USP9X: variants seen among roughly 807,000 people sequenced by gnomAD.
USP9X encodes ubiquitin carboxyl-terminal hydrolase 9X.
Under a neutral mutation model 190.3 loss-of-function variants are expected in USP9X, and 7 were observed. The observed-to-expected ratio is 0.04, with a 90% CI of 0.02 to 0.07. The LOEUF is 0.07. Among genes scored for constraint, USP9X ranks in the 10% least tolerant of loss-of-function variants. USP9X has a pLI of 1.00. For missense variants in USP9X, 1,010 were observed against 1,916.9 expected, an observed-to-expected ratio of 0.53 and a Z score of 8.83; for synonymous variants, 645 against 659.5, an observed-to-expected ratio of 0.98 and a Z score of 0.34.
At chrX:41,087,593 A>AC (rs1214840625) in intron 1 of USP9X, among the ~76,000 whole-genome samples, 1 of 112,562 alleles carries the variant, frequency 8.9e-6, no homozygotes, top group Non-Finnish European at 1.9e-5. Flanking sequence ...TCTAACTTTA[A>AC]CCCTTTAAAC....
intron 2 of USP9X, among the ~76,000 whole-genome samples, chrX:41,126,531 A>T (rs1023460091): frequency 6.3e-5 from 7 of 111,917 alleles, no homozygotes; most frequent in Admixed American, 5.7e-4. Flanking sequence ...CAAACCTTTA[A>T]TTTAACCTTA....
At chrX:41,120,309 A>G (rs2062180261) in intron 1 of USP9X, among the ~76,000 whole-genome samples, 1 of 112,103 alleles carries the variant, frequency 8.9e-6, no homozygotes, top group African/African-American at 3.2e-5. Context: ...GGATGATACT[A>G]GTTCCTACTG....
chrX:41,214,559 C>G lies in USP9X; in HGVS notation c.5190-9C>G. On this transcript the variant is annotated splice_polypyrimidine_tract_variant and intron_variant, in intron 33 of 44. Transcript: ENST00000378308. ...TAAGGGATAAATCCTTTTTTTAAATCGTTTTTAGGTACGAATGTGAAGAAT... is the reference window on the plus strand; with the variant it reads ...TAAGGGATAAATCCTTTTTTTAAATGGTTTTTAGGTACGAATGTGAAGAAT... 8.8e-7 allele frequency: 1 copy of G among 1,141,374 alleles called. No individual in the cohort carries two copies. Among genetic ancestry groups the G allele is most frequent in the East Asian group, 3.2e-5 (1 of 30,968 alleles). 94.1% of individuals were successfully genotyped at this position (1,141,374 alleles called of 1,213,427 possible).
chrX:41,172,027 C>G (rs1164584722), intron 21 of USP9X, 69 bp downstream of exon 21: 1 of 1,149,257 alleles, frequency 8.7e-7, no homozygotes, highest in African/African-American at 1.8e-5. Context: ...AATTCTGTTT[C>G]TAAATGGACC....
intron 25 of USP9X, among the ~76,000 whole-genome samples, 172 bp from the exon 26 acceptor site, chrX:41,189,137 T>C (rs2062908780): frequency 8.9e-6 from 1 of 112,613 alleles, no homozygotes; most frequent in Admixed American, 9.4e-5. Flanking sequence ...TTTTCTATTA[T>C]AGTCATTTCC....
intron 26 of USP9X, among the ~76,000 whole-genome samples, chrX:41,190,148 TTCA>T (rs1318030670): frequency 8.9e-6 from 1 of 112,458 alleles, no homozygotes; most frequent in Non-Finnish European, 1.9e-5. Flanking sequence ...AATGTTTACT[TTCA>T]TCATTCCATC....
intron 3 of USP9X, among the ~76,000 whole-genome samples, chrX:41,130,190 A>G (rs916790948): frequency 2.7e-5 from 3 of 111,619 alleles, no homozygotes; most frequent in African/African-American, 9.8e-5. Flanking sequence ...TATTTTTCCT[A>G]TTAATAAATT....
At chrX:41,101,423 CAAAA>C (rs1223031371) in intron 1 of USP9X, among the ~76,000 whole-genome samples, 4 of 93,648 alleles carry the variant, frequency 4.3e-5, no homozygotes, top group Non-Finnish European at 8.7e-5. Flanking sequence ...ACCAAAAATA[CAAAA>C]AAAAAAAAAA....
intron 21 of USP9X, 95 bp from the exon 22 acceptor site, chrX:41,183,903 G>A: frequency 2.0e-6 from 2 of 1,017,581 alleles, no homozygotes; most frequent in Non-Finnish European, 2.5e-6. Flanking sequence ...TGAGTGGATT[G>A]TTATTCCATA....
chrX:41,144,954 A>G (rs1052185504), intron 11 of USP9X, among the ~76,000 whole-genome samples: 2 of 111,547 alleles, frequency 1.8e-5, no homozygotes, highest in African/African-American at 3.3e-5. Flanking sequence ...GAGAATACCA[A>G]TATCTTGGTA....
At chrX:41,105,463 T>TTGTA (rs902352698) in intron 1 of USP9X, among the ~76,000 whole-genome samples, 4 of 112,316 alleles carry the variant, frequency 3.6e-5, no homozygotes, top group African/African-American at 1.3e-4. Context: ...TTCATCCATA[T>TTGTA]TGTAGCATGT....
At chrX:41,096,431 T>C (rs1601929259) in intron 1 of USP9X, among the ~76,000 whole-genome samples, 1 of 111,825 alleles carries the variant, frequency 8.9e-6, no homozygotes, top group East Asian at 2.8e-4. Context: ...ACAAGATCTG[T>C]GTTTTATTTT....
intron 14 of USP9X, among the ~76,000 whole-genome samples, chrX:41,156,997 G>C (rs2062584759): frequency 8.9e-6 from 1 of 111,864 alleles, no homozygotes; most frequent in Non-Finnish European, 1.9e-5. Context: ...GGTCAGGAAT[G>C]CTACGTGTAT....
rs776344646 is a variant in USP9X, at chrX:41,184,008, G to A, written c.3159G>A (p.Thr1053=). The change falls in exon 22 of 45, where the codon ACG becomes ACA. Residue 1053 remains threonine (T), a synonymous_variant. Coordinates refer to ENST00000378308, the MANE Select transcript of USP9X (RefSeq NM_001039591.3). ...CTTTTTTTCCTCCAGATAGCACAAC[G>A]ATAGAAAAATTAAGAGCTATTTGTT... ...LMKLMPPDST[T]IEKLRAICLD... 4.2e-6 allele frequency: 5 copies of A among 1,201,236 alleles called. No individual in the cohort carries two copies. The highest frequency in any genetic ancestry group is 3.5e-5 in the African/African-American group (2 of 57,186).
intron 33 of USP9X, among the ~76,000 whole-genome samples, chrX:41,212,271 G>C (rs1172836535): frequency 9.3e-6 from 1 of 107,208 alleles, no homozygotes; most frequent in Admixed American, 9.8e-5. Flanking sequence ...CAGCATGCTC[G>C]TTAAGAGTCA....
At chrX:41,156,250 GT>G (rs1172805410) in intron 14 of USP9X, among the ~76,000 whole-genome samples, 2 of 112,096 alleles carry the variant, frequency 1.8e-5, no homozygotes, top group South Asian at 7.4e-4. Context: ...GCCACAGCTT[GT>G]TCTGTTCTCC....
chrX:41,207,517 C>CA (rs2063113965), intron 32 of USP9X, among the ~76,000 whole-genome samples: 1 of 112,034 alleles, frequency 8.9e-6, no homozygotes, highest in African/African-American at 3.2e-5. Context: ...TTAGAAAACT[C>CA]AGATTACATT....
rs761225953 is a variant in USP9X, at chrX:41,219,050, A to T, written c.6436-52A>T. 2.9e-4 allele frequency: 332 copies of T among 1,151,708 alleles called. 2 individuals carry two copies. The Middle Eastern group carries it at 0.023, about 80-fold the overall frequency. The allele number at this position is 1,151,708 out of a possible 1,213,427, so 94.9% of individuals were successfully genotyped here. The stretch of plus-strand genomic sequence containing the variant: ...TGCATGTCCTTTTTATGCAAGTAGA[A>T]GTATACATATACCTTGTTGCTGTAA... On this transcript the variant is annotated intron_variant, in intron 37 of 44. Coordinates refer to ENST00000378308, the MANE Select transcript of USP9X (RefSeq NM_001039591.3).
chrX:41,146,686 G>GTTTTTTT (rs2062467396), intron 11 of USP9X, among the ~76,000 whole-genome samples: 1 of 10,273 alleles, frequency 9.7e-5, no homozygotes, highest in Non-Finnish European at 1.6e-4. Flanking sequence ...TTTTTTTTTG[G>GTTTTTTT]GTGAATGCCT....
Sources: allele counts gnomAD v4.1 joint callset (sites outside exome capture counted in the v4.1 genomes callset), GRCh38; gene constraint gnomAD v4.1.1; transcripts MANE v1.5; gene names NCBI Gene and HGNC (gene_info 2026-07-23, HGNC 2026-07-21).